The following COMMD10 variants were observed in gnomAD, a reference collection of about 807,000 sequenced individuals.
COMMD10 encodes COMM domain-containing protein 10.
In COMMD10, 33 loss-of-function variants were observed where a neutral mutation model predicts 28.9. That is an observed-to-expected ratio of 1.14 (90% CI 0.87 to 1.53). The LOEUF (loss-of-function observed/expected upper bound fraction) is 1.53. Ranked by LOEUF, COMMD10 falls within the 40% of genes most tolerant of loss-of-function variation. COMMD10 has a pLI of 0.00. For synonymous variants in COMMD10, 110 were observed against 81.7 expected (o/e 1.35, Z -1.87); for missense variants, 310 against 233.4 (o/e 1.33, Z -2.14).
At chr5:116,174,995 AAG>A (rs1753455906) in intron 5 of COMMD10, among the ~76,000 whole-genome samples, 1 of 152,076 alleles carries the variant, frequency 6.6e-6, no homozygotes, top group African/African-American at 2.4e-5. Context: ...CTTGCTGACT[AAG>A]AGATGTGGAG....
intron 4 of COMMD10, among the ~76,000 whole-genome samples, chr5:116,126,577 A>T (rs77844358): frequency 0.11 from 16,906 of 151,258 alleles, 1,536 homozygotes; most frequent in African/African-American, 0.22. Flanking sequence ...CAAAACAGAG[A>T]TATAGACCAA....
chr5:116,238,789 A>AAG (rs1282732461), intron 5 of COMMD10, among the ~76,000 whole-genome samples: 1 of 152,050 alleles, frequency 6.6e-6, no homozygotes, highest in Non-Finnish European at 1.5e-5. Flanking sequence ...CAGGTTTGTG[A>AAG]GGGAGAGACT....
intron 5 of COMMD10, among the ~76,000 whole-genome samples, chr5:116,272,742 G>A (rs1750793266): frequency 6.6e-6 from 1 of 151,844 alleles, no homozygotes; most frequent in Admixed American, 6.6e-5. Flanking sequence ...TGATCTGGGT[G>A]TTGTAAGAGT....
Position 116,283,080 on chromosome 5 carries a change from G to T in COMMD10, c.511-8437G>T, listed in dbSNP as rs534908172. 2.4e-4 allele frequency among the ~76,000 whole-genome samples: 37 copies of T among 151,934 alleles called. 1 individual carries two copies. Among genetic ancestry groups the T allele is most frequent in the African/African-American group, 9.0e-4 (37 of 41,268 alleles). ...TCCTGCTTTATTCTCCCTTAAGCAG[G>T]TATCATTTGCAGTAGCCTCCAAAAC... On this transcript the variant is annotated intron_variant, in intron 5 of 6. Coordinates refer to ENST00000274458, the MANE Select transcript of COMMD10 (RefSeq NM_016144.4).
rs143504360 is a variant in COMMD10 at position 116,272,487 on chromosome 5, T to G, written c.511-19030T>G. 3.9e-5 allele frequency among the ~76,000 whole-genome samples: 6 copies of G among 151,978 alleles called. No homozygotes were observed. The East Asian group carries it at 1.2e-3, about 29-fold the overall frequency. On this transcript the variant is annotated intron_variant, in intron 5 of 6. Transcript: ENST00000274458. ...TCATAATAAGCAGATGTTATCATTC[T>G]TTGGCCTCCCAGAAAGTCAGTAGGC...
chr5:116,182,249 G>T (rs1436238568), intron 5 of COMMD10, among the ~76,000 whole-genome samples: 1 of 152,086 alleles, frequency 6.6e-6, no homozygotes, highest in Non-Finnish European at 1.5e-5. Flanking sequence ...TCTAAGAACT[G>T]ATAGTAGTTT....
intron 5 of COMMD10, among the ~76,000 whole-genome samples, chr5:116,216,624 C>T (rs930756734): frequency 8.5e-5 from 13 of 152,134 alleles, no homozygotes; most frequent in East Asian, 7.7e-4. Flanking sequence ...CTGTGCCTCC[C>T]GGAGGTTCAA....
chr5:116,122,377 T>G (rs1751463045), intron 4 of COMMD10, among the ~76,000 whole-genome samples: 1 of 152,248 alleles, frequency 6.6e-6, no homozygotes. Context: ...CTGTTTTGGT[T>G]ACTGTAGCCT....
intron 4 of COMMD10, among the ~76,000 whole-genome samples, chr5:116,126,950 C>CT (rs1257010425): frequency 6.6e-6 from 1 of 152,196 alleles, no homozygotes; most frequent in East Asian, 1.9e-4. Flanking sequence ...TAAAGAGCTT[C>CT]TGCACAGCAA....
rs529371745 is a variant in COMMD10, at chr5:116,267,754, T to C, written c.511-23763T>C. On this transcript the variant is annotated intron_variant, in intron 5 of 6. Coordinates refer to ENST00000274458, the MANE Select transcript of COMMD10 (RefSeq NM_016144.4). Reference sequence around the variant, plus strand: ...TGGTACTGGTACCAAAACAGAGATATAGCTCAATGGAACAGAACAGAGTCC... The same window carrying C: ...TGGTACTGGTACCAAAACAGAGATACAGCTCAATGGAACAGAACAGAGTCC... Among the ~76,000 whole-genome samples the C allele has an allele frequency of 4.6e-5, 7 of 151,920 alleles. No individual in the cohort carries two copies. The East Asian group carries it at 1.3e-3, about 29-fold the overall frequency.
intron 5 of COMMD10, among the ~76,000 whole-genome samples, chr5:116,194,368 A>G (rs1748451910): frequency 6.6e-6 from 1 of 152,170 alleles, no homozygotes; most frequent in Admixed American, 6.5e-5. Flanking sequence ...AAAAAGATAA[A>G]TGAAACAAAA....
intron 5 of COMMD10, among the ~76,000 whole-genome samples, chr5:116,221,961 G>A (rs1316061865): frequency 6.6e-6 from 1 of 152,190 alleles, no homozygotes; most frequent in Admixed American, 6.5e-5. Flanking sequence ...GTTGTGAAAA[G>A]ATGAACTGAA....
intron 5 of COMMD10, among the ~76,000 whole-genome samples, chr5:116,199,387 C>T (rs574157451): frequency 6.6e-6 from 1 of 152,046 alleles, no homozygotes; most frequent in Admixed American, 6.6e-5. Context: ...TGCAGATATT[C>T]TCTCCCAGTC....
chr5:116,130,638 A>G (rs533256733), intron 4 of COMMD10, among the ~76,000 whole-genome samples: 4 of 151,988 alleles, frequency 2.6e-5, no homozygotes, highest in Non-Finnish European at 4.4e-5. Flanking sequence ...TATACTTTTC[A>G]TTCAGTTATC....
chr5:116,244,342 A>G (rs1749886063), intron 5 of COMMD10, among the ~76,000 whole-genome samples: 1 of 152,118 alleles, frequency 6.6e-6, no homozygotes. Context: ...AATTTTCACT[A>G]GCATCATTAT....
At chr5:116,107,423 G>A (rs1021744794) in intron 4 of COMMD10, among the ~76,000 whole-genome samples, 2 of 152,016 alleles carry the variant, frequency 1.3e-5, no homozygotes, top group Admixed American at 6.6e-5. Context: ...TTATTTCATT[G>A]AGTTGATCTT....
intron 5 of COMMD10, among the ~76,000 whole-genome samples, chr5:116,205,833 CTATT>C (rs952156571): frequency 2.0e-4 from 30 of 152,194 alleles, no homozygotes; most frequent in African/African-American, 7.2e-4. Flanking sequence ...ATTTTAGCAT[CTATT>C]TGATTTTTAC....
chr5:116,199,773 A>C (rs1253879271), intron 5 of COMMD10, among the ~76,000 whole-genome samples: 2 of 152,050 alleles, frequency 1.3e-5, no homozygotes, highest in Non-Finnish European at 2.9e-5. Flanking sequence ...CTTCAGTTTT[A>C]AAATAAACAG....
chr5:116,291,990 A>T (rs545617494), intron 6 of COMMD10, among the ~76,000 whole-genome samples: 1 of 151,948 alleles, frequency 6.6e-6, no homozygotes, highest in Non-Finnish European at 1.5e-5. Context: ...ATCCAGGAAA[A>T]TATACTCCCT....
Sources: allele counts gnomAD v4.1 joint callset (sites outside exome capture counted in the v4.1 genomes callset), GRCh38; gene constraint gnomAD v4.1.1; transcripts MANE v1.5; gene names NCBI Gene and HGNC (gene_info 2026-07-23, HGNC 2026-07-21).